The following ACTR3C variants were observed in gnomAD, a reference collection of about 807,000 sequenced individuals.
The protein encoded by ACTR3C is actin-related protein 3C.
Under a neutral mutation model 26.3 loss-of-function variants are expected in ACTR3C, and 18 were observed. The observed-to-expected ratio is 0.68, with a 90% CI of 0.47 to 1.01. The LOEUF (loss-of-function observed/expected upper bound fraction) is 1.01. Ranked by LOEUF, ACTR3C falls within the 50% of genes least tolerant of loss-of-function variation. ACTR3C has a pLI of 0.00. For missense variants in ACTR3C, 184 were observed against 250.7 expected, an observed-to-expected ratio of 0.73 and a Z score of 1.80; for synonymous variants, 55 against 94.5, an observed-to-expected ratio of 0.58 and a Z score of 2.42.
the ACTR3C span, among the ~76,000 whole-genome samples, chr7:150,159,595 A>T: frequency 1.7e-4 from 26 of 152,132 alleles, no homozygotes; most frequent in Non-Finnish European, 3.7e-4. Context: ...ATTCCACCCG[A>T]GCCCCGCCAA....
intron 6 of ACTR3C, among the ~76,000 whole-genome samples, chr7:150,276,681 C>T (rs1395123909): frequency 1.3e-5 from 2 of 152,250 alleles, no homozygotes; most frequent in African/African-American, 2.4e-5. Context: ...CTTCTTTCCT[C>T]TAACTACCTC....
At chr7:150,068,324 C>A in the ACTR3C span, among the ~76,000 whole-genome samples, 7 of 152,296 alleles carry the variant, frequency 4.6e-5, no homozygotes, top group South Asian at 1.0e-3. Flanking sequence ...CAGGCCCCAG[C>A]CACACAGGCT....
the ACTR3C span, among the ~76,000 whole-genome samples, chr7:150,025,827 T>C: frequency 2.0e-5 from 3 of 151,804 alleles, no homozygotes; most frequent in African/African-American, 7.3e-5. Flanking sequence ...CCCATCTTAG[T>C]CTGATGCAGA....
At chr7:150,033,204 T>G in the ACTR3C span, among the ~76,000 whole-genome samples, 1 of 152,110 alleles carries the variant, frequency 6.6e-6, no homozygotes, top group Admixed American at 6.5e-5. Context: ...AACAACTCGG[T>G]GGGTTTTCCC....
intron 1 of ACTR3C, among the ~76,000 whole-genome samples, chr7:150,316,336 T>C (rs1416199447): frequency 6.6e-6 from 1 of 152,244 alleles, no homozygotes; most frequent in Non-Finnish European, 1.5e-5. Flanking sequence ...ATTGCACACA[T>C]ACATAGTGTT....
chr7:149,927,565 T>C, the ACTR3C span, among the ~76,000 whole-genome samples: 1 of 151,684 alleles, frequency 6.6e-6, no homozygotes, highest in African/African-American at 2.4e-5. Context: ...CCCGTCTCTA[T>C]TAAAAATACA....
At chr7:150,292,762 G>A (rs1177488140) in intron 3 of ACTR3C, among the ~76,000 whole-genome samples, 4 of 152,298 alleles carry the variant, frequency 2.6e-5, no homozygotes, top group Non-Finnish European at 5.9e-5. Context: ...CTCCCAAAGT[G>A]CTGGGATTAC....
the ACTR3C span, among the ~76,000 whole-genome samples, chr7:150,041,895 G>T: frequency 7.7e-6 from 1 of 129,214 alleles, no homozygotes; most frequent in Non-Finnish European, 1.7e-5. Flanking sequence ...CTCCTGCGAT[G>T]GGGGTCCTCA....
chr7:150,161,240 G>GTTTTTTTTT, the ACTR3C span, among the ~76,000 whole-genome samples: 1 of 88,710 alleles, frequency 1.1e-5, no homozygotes, highest in African/African-American at 5.7e-5. Flanking sequence ...TATACTTTAA[G>GTTTTTTTTT]TTCTAGGGTA....
chr7:149,887,837 G>A, the ACTR3C span, among the ~76,000 whole-genome samples: 2 of 152,176 alleles, frequency 1.3e-5, no homozygotes, highest in Non-Finnish European at 2.9e-5. Flanking sequence ...CTATTCTTGT[G>A]ATAGTGAATA....
the ACTR3C span, among the ~76,000 whole-genome samples, chr7:150,185,169 A>G: frequency 6.6e-6 from 1 of 152,212 alleles, no homozygotes; most frequent in South Asian, 2.1e-4. Context: ...CCCAAACAGC[A>G]TGATGCCCAT....
the ACTR3C span, among the ~76,000 whole-genome samples, chr7:150,122,788 C>T: frequency 3.4e-3 from 518 of 151,838 alleles, 3 homozygotes; most frequent in Non-Finnish European, 5.6e-3. Context: ...CACATGCACA[C>T]GTATATTTAT....
chr7:150,095,761 C>T, the ACTR3C span, among the ~76,000 whole-genome samples: 8 of 150,296 alleles, frequency 5.3e-5, no homozygotes, highest in Admixed American at 2.6e-4. Flanking sequence ...CTATTATAGG[C>T]GACAAATGTA....
chr7:150,185,065 G>A, the ACTR3C span, among the ~76,000 whole-genome samples: 1 of 151,578 alleles, frequency 6.6e-6, no homozygotes, highest in Non-Finnish European at 1.5e-5. Flanking sequence ...GGACTGATTG[G>A]CTTAACTAGA....
the ACTR3C span, among the ~76,000 whole-genome samples, chr7:150,123,346 C>T: frequency 3.9e-5 from 6 of 151,912 alleles, no homozygotes; most frequent in South Asian, 2.1e-4. Context: ...GACAGATGCA[C>T]GTAAAGCTGT....
At chr7:150,192,585 A>G in the ACTR3C span, among the ~76,000 whole-genome samples, 1 of 152,198 alleles carries the variant, frequency 6.6e-6, no homozygotes, top group Non-Finnish European at 1.5e-5. Flanking sequence ...TATAGGCATG[A>G]GCCATCATAC....
At chr7:149,884,595 A>T in the ACTR3C span, among the ~76,000 whole-genome samples, 35 of 116,712 alleles carry the variant, frequency 3.0e-4, no homozygotes, top group Middle Eastern at 3.9e-3. Context: ...TTGTCAACTT[A>T]AAAAAAAAAA....
chr7:150,035,224 CATGGGGGT>C, the ACTR3C span, among the ~76,000 whole-genome samples: 1 of 95,850 alleles, frequency 1.0e-5, no homozygotes, highest in African/African-American at 4.5e-5. Flanking sequence ...CCACCTCTGC[CATGGGGGT>C]CCTAAGAGCC....
the ACTR3C span, among the ~76,000 whole-genome samples, chr7:150,231,475 C>G: frequency 2.0e-5 from 3 of 151,458 alleles, no homozygotes; most frequent in African/African-American, 7.3e-5. Context: ...GATCACTGAA[C>G]ATGCTGGCTG....
Sources: gnomAD v4.1 joint callset for allele counts (sites outside exome capture counted in the v4.1 genomes callset) on GRCh38, gnomAD v4.1.1 for gene constraint, MANE v1.5 for transcripts, NCBI Gene and HGNC (gene_info 2026-07-23, HGNC 2026-07-21) for gene names.